The following GRIN2A variants were observed in gnomAD, a reference collection of about 807,000 sequenced individuals.
GRIN2A encodes the protein glutamate receptor ionotropic, NMDA 2A.
GRIN2A carries 22 observed loss-of-function variants against 113.4 expected under a neutral mutation model. That is an observed-to-expected ratio of 0.19 (90% CI 0.14 to 0.28). The LOEUF is 0.28. Ranked by LOEUF, GRIN2A falls within the 10% of genes least tolerant of loss-of-function variation. GRIN2A has a pLI of 1.00. For synonymous variants in GRIN2A, 827 were observed against 738.4 expected, an observed-to-expected ratio of 1.12 and a Z score of -1.94; for missense variants, 1,502 against 1,887.0, an observed-to-expected ratio of 0.80 and a Z score of 3.78.
intron 7 of GRIN2A, among the ~76,000 whole-genome samples, chr16:9,834,817 A>G (rs1474179801): frequency 6.6e-6 from 1 of 152,238 alleles, no homozygotes; most frequent in Non-Finnish European, 1.5e-5. Context: ...GATAATCAGA[A>G]GAAAAAAGAG....
At chr16:10,121,257 G>A (rs1341516769) in intron 2 of GRIN2A, 1 of 152,350 alleles carries the variant, frequency 6.6e-6, no homozygotes, top group Admixed American at 6.5e-5. Context: ...CCAAGACCCA[G>A]GAGGTCCCCT....
At chr16:9,996,485 G>A (rs796638424) in intron 2 of GRIN2A, among the ~76,000 whole-genome samples, 8 of 152,292 alleles carry the variant, frequency 5.3e-5, no homozygotes, top group African/African-American at 1.7e-4. Flanking sequence ...AATCGTTAAG[G>A]GAGAAAATTA....
At chr16:10,158,800 C>G (rs938669110) in intron 2 of GRIN2A, among the ~76,000 whole-genome samples, 2 of 152,146 alleles carry the variant, frequency 1.3e-5, no homozygotes, top group Non-Finnish European at 2.9e-5. Flanking sequence ...GGTTACTGGT[C>G]TCCTTTTGGA....
At chr16:10,122,208 T>C (rs766800686) in intron 2 of GRIN2A, among the ~76,000 whole-genome samples, 2 of 152,192 alleles carry the variant, frequency 1.3e-5, no homozygotes, top group Non-Finnish European at 2.9e-5. Flanking sequence ...TCAGAATGTA[T>C]TAGGCACCTT....
At chr16:9,995,768 T>G (rs1293353397) in intron 2 of GRIN2A, among the ~76,000 whole-genome samples, 1 of 152,146 alleles carries the variant, frequency 6.6e-6, no homozygotes, top group Non-Finnish European at 1.5e-5. Flanking sequence ...ATCCTCAGTA[T>G]GCTTTTTCAA....
chr16:10,177,272 G>T (rs925294903), intron 2 of GRIN2A, among the ~76,000 whole-genome samples: 10 of 152,108 alleles, frequency 6.6e-5, no homozygotes, highest in African/African-American at 2.2e-4. Flanking sequence ...CTCAAAATAC[G>T]ACCTTTTAAA....
intron 2 of GRIN2A, among the ~76,000 whole-genome samples, chr16:9,940,235 G>A (rs911284769): frequency 6.6e-6 from 1 of 152,142 alleles, no homozygotes; most frequent in Admixed American, 6.5e-5. Flanking sequence ...TCGAAATACT[G>A]CTCTTTTCTG....
chr16:10,129,371 T>C (rs1244404730), intron 2 of GRIN2A, among the ~76,000 whole-genome samples: 1 of 15,202 alleles, frequency 6.6e-5, no homozygotes, highest in Non-Finnish European at 6.5e-4. Flanking sequence ...AGGAGTTTGA[T>C]TAAAAAAAAA....
Position 9,760,374 on chromosome 16 carries a change from A to ATTTTTTTATTTT in GRIN2A, c.*2774_*2775insAAAATAAAAAAA, listed in dbSNP as rs1900528914. The ATTTTTTTATTTT allele has an allele frequency of 1.1e-5, 1 of 89,550 alleles. No homozygotes were observed. The highest frequency in any genetic ancestry group is 5.0e-5 in the African/African-American group (1 of 20,090). The allele number at this position is 89,550 out of a possible 1,614,324, so 5.5% of individuals were successfully genotyped here. A position where few individuals can be genotyped will look rare whatever the true frequency, so the allele number is the denominator to read the frequency against. On this transcript the variant is annotated 3_prime_UTR_variant, in exon 13 of 13. Coordinates refer to ENST00000330684, the MANE Select transcript of GRIN2A (RefSeq NM_001134407.3). Reference sequence around the variant, plus strand: ...AAATTGACCATCTGATCAGTAGTTGATTTTTTTTTTTTTTTTTTTTTTTTG... The same window carrying ATTTTTTTATTTT: ...AAATTGACCATCTGATCAGTAGTTGATTTTTTTATTTTTTTTTTTTTTTTTTTTTTTTTTTTG...
rs147045745 is a variant in GRIN2A, at chr16:10,150,315, T to C, written c.414+29683A>G. On this transcript the variant is annotated intron_variant, in intron 2 of 12. Coordinates refer to ENST00000330684, the MANE Select transcript of GRIN2A (RefSeq NM_001134407.3). Reference sequence around the variant, plus strand: ...GCACTGGCATCACTCTGTCACTATTTGGTTTCAAATCCCACTAGGAAATAG... The same window carrying C: ...GCACTGGCATCACTCTGTCACTATTCGGTTTCAAATCCCACTAGGAAATAG... Among the ~76,000 whole-genome samples, 381 of 152,322 alleles carry C rather than the reference T, an allele frequency of 2.5e-3. 1 individual carries two copies. Among genetic ancestry groups the C allele is most frequent in the Middle Eastern group, 0.01 (3 of 294 alleles).
At chr16:9,885,355 T>C (rs1354988563) in intron 4 of GRIN2A, among the ~76,000 whole-genome samples, 3 of 152,248 alleles carry the variant, frequency 2.0e-5, no homozygotes, top group East Asian at 1.9e-4. Flanking sequence ...TGGGAAGCCT[T>C]GGACTCATCA....
chr16:9,871,003 C>G (rs918141389), intron 4 of GRIN2A, among the ~76,000 whole-genome samples: 3 of 152,136 alleles, frequency 2.0e-5, no homozygotes, highest in Non-Finnish European at 4.4e-5. Flanking sequence ...GGCCTCTGGG[C>G]TCTGGACCCC....
chr16:9,993,855 G>A (rs35872729), intron 2 of GRIN2A, among the ~76,000 whole-genome samples: 34,328 of 152,092 alleles, frequency 0.23, 4,205 homozygotes, highest in African/African-American at 0.32. Context: ...CAGGACAGGC[G>A]GCTCATGTGG....
chr16:9,906,726 G>C (rs977575591), intron 3 of GRIN2A, among the ~76,000 whole-genome samples: 1 of 152,196 alleles, frequency 6.6e-6, no homozygotes, highest in African/African-American at 2.4e-5. Context: ...ATCTAGACAC[G>C]CAAGATAACA....
intron 4 of GRIN2A, among the ~76,000 whole-genome samples, chr16:9,873,060 G>C (rs2043297705): frequency 6.6e-6 from 1 of 151,936 alleles, no homozygotes; most frequent in Admixed American, 6.6e-5. Context: ...TTAGAAAAAA[G>C]AAAGAATGAA....
In GRIN2A at chr16:10,180,743, T is replaced by G; in HGVS notation, c.-18-314A>C. On this transcript the variant is annotated intron_variant, in intron 1 of 12. Transcript: ENST00000330684. The surrounding 1 kb of genome is among the most constrained non-coding windows in gnomAD (Gnocchi z 7.0). ...CATATCCCCCACCGCATTCCCCAAG[T>G]TCGCCGCGGGCCACAGACCCTAAGC... The G allele has an allele frequency of 2.1e-6, 1 of 483,650 alleles. No individual in the cohort carries two copies. Among genetic ancestry groups the G allele is most frequent in the East Asian group, 3.9e-5 (1 of 25,776 alleles). The allele number at this position is 483,650 out of a possible 1,614,324, so 30.0% of individuals were successfully genotyped here.
At chr16:10,155,101 G>C (rs1009063273) in intron 2 of GRIN2A, among the ~76,000 whole-genome samples, 1 of 152,092 alleles carries the variant, frequency 6.6e-6, no homozygotes, top group African/African-American at 2.4e-5. Context: ...ATTTATTTTG[G>C]CTTAAACTTT....
chr16:10,008,422 G>A (rs369448056), intron 2 of GRIN2A, among the ~76,000 whole-genome samples: 5 of 152,178 alleles, frequency 3.3e-5, no homozygotes, highest in South Asian at 2.1e-4. Flanking sequence ...CTTGAACAGC[G>A]TGCAGTCACT....
At chr16:9,820,827 G>C (rs1454013674) in intron 10 of GRIN2A, among the ~76,000 whole-genome samples, 1 of 152,104 alleles carries the variant, frequency 6.6e-6, no homozygotes, top group Non-Finnish European at 1.5e-5. Flanking sequence ...TAATATTTGT[G>C]AATTTTCTGC....
Sources: gnomAD v4.1 joint callset for allele counts (sites outside exome capture counted in the v4.1 genomes callset) on GRCh38, gnomAD v4.1.1 for gene constraint, Gnocchi (gnomAD v3.1) non-coding constraint, MANE v1.5 for transcripts, NCBI Gene and HGNC (gene_info 2026-07-23, HGNC 2026-07-21) for gene names.